PRDM16: variants seen among roughly 807,000 people sequenced by gnomAD.
The protein encoded by PRDM16 is histone-lysine N-methyltransferase PRDM16.
A neutral mutation model predicts 110.6 loss-of-function variants in PRDM16; 23 were observed. The observed-to-expected ratio is 0.21, with a 90% CI of 0.15 to 0.29. The LOEUF is 0.29. Ranked by LOEUF, PRDM16 falls within the 10% of genes least tolerant of loss-of-function variation. The probability of loss-of-function intolerance (pLI) is 1.00; values close to 1 mark genes in which losing one functional copy is unlikely to be tolerated. For synonymous variants in PRDM16, 799 were observed against 781.8 expected (o/e 1.02, Z -0.37); for missense variants, 1,615 against 1,794.3 (o/e 0.90, Z 1.81).
intron 3 of PRDM16, among the ~76,000 whole-genome samples, chr1:3,368,829 GA>G (rs762284529): frequency 3.3e-5 from 5 of 150,480 alleles, no homozygotes; most frequent in Admixed American, 2.0e-4. Flanking sequence ...TTTTTCAACA[GA>G]AAAAAAAATA....
chr1:3,168,922 C>G (rs1179305366), intron 1 of PRDM16, among the ~76,000 whole-genome samples: 1 of 152,202 alleles, frequency 6.6e-6, no homozygotes, highest in Non-Finnish European at 1.5e-5. Context: ...GCCCACACCC[C>G]CTCCCACCTG....
intron 1 of PRDM16, among the ~76,000 whole-genome samples, chr1:3,073,330 G>T (rs1641812728): frequency 6.6e-6 from 1 of 152,254 alleles, no homozygotes; most frequent in Non-Finnish European, 1.5e-5. Context: ...GATCCTTGGG[G>T]GGCTTGGGCT....
chr1:3,433,910 C>A lies in PRDM16; in HGVS notation c.*99C>A. 2.5e-6 allele frequency: 3 copies of A among 1,196,700 alleles called. No individual in the cohort carries two copies. Among genetic ancestry groups the A allele is most frequent in the Admixed American group, 2.3e-5 (1 of 44,010 alleles). The allele number at this position is 1,196,700 out of a possible 1,614,324, so 74.1% of individuals were successfully genotyped here. ...GGAGAACCCTGTCCCTGCGTGTGGC[C>A]ACTCCTCAGCATCCTCCCCACCCAC... is the stretch of plus-strand genomic sequence containing the variant. On this transcript the variant is annotated 3_prime_UTR_variant, in exon 17 of 17. Coordinates refer to ENST00000270722, the MANE Select transcript of PRDM16 (RefSeq NM_022114.4).
At chr1:3,176,313 T>TTC (rs1644089120) in intron 1 of PRDM16, among the ~76,000 whole-genome samples, 2 of 146,242 alleles carry the variant, frequency 1.4e-5, no homozygotes, top group African/African-American at 5.2e-5. Flanking sequence ...CATACATCCA[T>TTC]CTATTCTTCC....
At chr1:3,172,981 G>A (rs932048490) in intron 1 of PRDM16, among the ~76,000 whole-genome samples, 2 of 152,248 alleles carry the variant, frequency 1.3e-5, no homozygotes, top group African/African-American at 2.4e-5. Context: ...CTAGAAGCAC[G>A]CTGTCACGAT....
intron 1 of PRDM16, among the ~76,000 whole-genome samples, chr1:3,087,958 C>T (rs1482377642): frequency 1.3e-5 from 2 of 152,018 alleles, no homozygotes; most frequent in Non-Finnish European, 2.9e-5. Context: ...CTCCGTCCCC[C>T]GAGACACCCC....
At chr1:3,181,124 G>C (rs571713117) in intron 1 of PRDM16, among the ~76,000 whole-genome samples, 1,804 of 127,916 alleles carry the variant, frequency 0.014, 76 homozygotes, top group African/African-American at 0.049. Context: ...CCTTACACAC[G>C]CAGTCTTACA....
intron 1 of PRDM16, among the ~76,000 whole-genome samples, chr1:3,181,732 TCTTACACAC>T (rs1644202412): frequency 7.1e-6 from 1 of 141,750 alleles, no homozygotes; most frequent in Non-Finnish European, 1.5e-5. Context: ...TTACACACGG[TCTTACACAC>T]GGAGTCTTAC....
intron 1 of PRDM16, among the ~76,000 whole-genome samples, chr1:3,181,911 CGCAGTCTTACACAT>C (rs1354270480): frequency 1.2e-4 from 11 of 92,302 alleles, no homozygotes; most frequent in African/African-American, 2.1e-4. Context: ...GTCTTACACA[CGCAGTCTTACACAT>C]GGTCTTACAC....
rs1643178111 is a variant in PRDM16 at position 3,385,344 on chromosome 1, G to A, written c.573+58G>A. 50 of 1,586,700 alleles carry A rather than the reference G, an allele frequency of 3.2e-5. 1 individual carries two copies. The South Asian group carries it at 4.9e-4, about 15-fold the overall frequency. Reference sequence around the variant, plus strand: ...TCTTGGAATTGTCCCTGAGGATGTGGCACCAAGATTGGTGGAGGTGCCGAG... The same window carrying A: ...TCTTGGAATTGTCCCTGAGGATGTGACACCAAGATTGGTGGAGGTGCCGAG... On this transcript the variant is annotated intron_variant, in intron 4 of 16. Transcript: ENST00000270722.
chr1:3,414,451 T>C (rs1024419249), intron 9 of PRDM16, 109 bp from the exon 10 acceptor site: 1 of 770,614 alleles, frequency 1.3e-6, no homozygotes. Flanking sequence ...ACCATGGCCT[T>C]GTGACTGGCC....
chr1:3,390,616 G>A lies in PRDM16; in HGVS notation c.573+5330G>A, dbSNP rs753467083. Among the ~76,000 whole-genome samples, 3 of 152,180 alleles carry A rather than the reference G, an allele frequency of 2.0e-5. No individual in the cohort carries two copies. The highest frequency in any genetic ancestry group is 4.8e-5 in the African/African-American group (2 of 41,458). On this transcript the variant is annotated intron_variant, in intron 4 of 16. Transcript: ENST00000270722. This position sits in a 1 kb window ranked among gnomAD's most constrained non-coding sequence, Gnocchi z 5.0. The stretch of plus-strand genomic sequence containing the variant: ...CAGCACCGCGTGGACAAGAGCCCGC[G>A]CGGGTTGTTCATGAGAACCAGGTGT...
chr1:3,219,460 G>C (rs1639103177), intron 2 of PRDM16, among the ~76,000 whole-genome samples: 1 of 152,200 alleles, frequency 6.6e-6, no homozygotes, highest in Non-Finnish European at 1.5e-5. Flanking sequence ...TTTCCCCTTG[G>C]AGCTGGGGCG....
chr1:3,080,410 C>G lies in PRDM16; in HGVS notation c.37+11114C>G, dbSNP rs534846937. Among the ~76,000 whole-genome samples the G allele has an allele frequency of 4.2e-4, 64 of 152,308 alleles. 1 individual carries two copies. Among genetic ancestry groups the G allele is most frequent in the African/African-American group, 1.4e-3 (59 of 41,574 alleles). The stretch of plus-strand genomic sequence containing the variant: ...CGCTTTCCGATCGGTTTCTCTACCC[C>G]GGCCCATCCAGCCATCCTTTTCTTT... On this transcript the variant is annotated intron_variant, in intron 1 of 16. Transcript: ENST00000270722. The surrounding 1 kb of genome is among the most constrained non-coding windows in gnomAD (Gnocchi z 5.2).
chr1:3,174,356 G>T (rs1479512197), intron 1 of PRDM16, among the ~76,000 whole-genome samples: 1 of 152,156 alleles, frequency 6.6e-6, no homozygotes, highest in Admixed American at 6.5e-5. Context: ...ACATTCTGAG[G>T]CCTGGGGGTT....
Position 3,425,785 on chromosome 1 carries a change from C to T in PRDM16, c.3109+35C>T. On this transcript the variant is annotated intron_variant, in intron 13 of 16. Coordinates refer to ENST00000270722, the MANE Select transcript of PRDM16 (RefSeq NM_022114.4). This position sits in a 1 kb window ranked among gnomAD's most constrained non-coding sequence, Gnocchi z 6.9. ...GCGGGGTGGGGCAGCCCCCAGAGCA[C>T]CCACACGGGCAGGCCCCACAGAGGG... is the stretch of plus-strand genomic sequence containing the variant. 1 of 1,610,062 alleles carries T rather than the reference C, an allele frequency of 6.2e-7. No homozygotes were observed. Among genetic ancestry groups the T allele is most frequent in the South Asian group, 1.1e-5 (1 of 90,770 alleles).
intron 2 of PRDM16, among the ~76,000 whole-genome samples, chr1:3,200,062 G>A (rs1426428757): frequency 6.6e-6 from 1 of 152,268 alleles, no homozygotes; most frequent in Non-Finnish European, 1.5e-5. Context: ...CAGACTGGAG[G>A]TAAACATGGG....
rs186257300 is a variant in PRDM16, at chr1:3,142,574, G to A, written c.38-43551G>A. 3.3e-3 allele frequency among the ~76,000 whole-genome samples: 499 copies of A among 152,304 alleles called. 4 individuals are homozygous for A. Among genetic ancestry groups the A allele is most frequent in the Non-Finnish European group, 1.2e-3 (79 of 68,026 alleles). On this transcript the variant is annotated intron_variant, in intron 1 of 16. Transcript: ENST00000270722. ...ATCCAAAGGCGTGTGGCACCCAGAC[G>A]TTGAGCAGAGTCTGAGGCTTCAGGG...
chr1:3,344,616 G>A (rs1642328774), intron 3 of PRDM16, among the ~76,000 whole-genome samples: 2 of 152,260 alleles, frequency 1.3e-5, no homozygotes, highest in South Asian at 4.1e-4. Context: ...TGTATTGGAT[G>A]TTGTAGATGA....
Sources: gnomAD v4.1 joint callset for allele counts (sites outside exome capture counted in the v4.1 genomes callset) on GRCh38, gnomAD v4.1.1 for gene constraint, Gnocchi (gnomAD v3.1) non-coding constraint, MANE v1.5 for transcripts, NCBI Gene and HGNC (gene_info 2026-07-23, HGNC 2026-07-21) for gene names.